Variants in PECAM1 observed in about 807,000 individuals in gnomAD.
PECAM1 encodes platelet and endothelial cell adhesion molecule 1, also known as platelet endothelial cell adhesion molecule.
In PECAM1, 8 loss-of-function variants were observed where a neutral mutation model predicts 13.8. That is an observed-to-expected ratio of 0.58 (90% CI 0.34 to 1.05). The LOEUF (loss-of-function observed/expected upper bound fraction) is 1.05. PECAM1 is among the 50% of genes least tolerant of loss of function. The pLI, the probability that PECAM1 is intolerant of heterozygous loss-of-function variation, is 0.03. For missense variants in PECAM1, 304 were observed against 141.2 expected, an observed-to-expected ratio of 2.15 and a Z score of -5.84; for synonymous variants, 136 against 52.6, an observed-to-expected ratio of 2.58 and a Z score of -6.86.
intron 2 of PECAM1, among the ~76,000 whole-genome samples, chr17:64,386,085 C>T (rs2036586918): frequency 6.6e-6 from 1 of 152,114 alleles, no homozygotes; most frequent in South Asian, 2.1e-4. Context: ...GAAGGATAGG[C>T]TGGGGATCTC....
chr17:64,357,538 T>C (rs1218972844), intron 7 of PECAM1, among the ~76,000 whole-genome samples: 3 of 152,296 alleles, frequency 2.0e-5, no homozygotes, highest in Middle Eastern at 3.4e-3. Context: ...CAGCAGATGG[T>C]ATTGTAACTT....
At chr17:64,376,696 C>A (rs73345144) in intron 3 of PECAM1, among the ~76,000 whole-genome samples, 4,466 of 152,176 alleles carry the variant, frequency 0.029, 89 homozygotes, top group Middle Eastern at 0.082. Flanking sequence ...ATTTGTGGAC[C>A]GGGCATGGTG....
At chr17:64,343,975 G>A (rs937975074) in intron 13 of PECAM1, among the ~76,000 whole-genome samples, 10 of 152,212 alleles carry the variant, frequency 6.6e-5, no homozygotes, top group Admixed American at 4.6e-4. Flanking sequence ...AAGAGGAAAG[G>A]TGATCGGGCC....
chr17:64,352,133 A>G (rs1256771517), intron 11 of PECAM1, among the ~76,000 whole-genome samples: 3 of 152,350 alleles, frequency 2.0e-5, no homozygotes, highest in East Asian at 3.9e-4. Flanking sequence ...AAGTCTTTGA[A>G]GGCATTATGA....
At chr17:64,372,159 AG>A (rs2036256978) in intron 4 of PECAM1, among the ~76,000 whole-genome samples, 1 of 152,176 alleles carries the variant, frequency 6.6e-6, no homozygotes, top group Non-Finnish European at 1.5e-5. Context: ...CTGCAATCCT[AG>A]CACTTTGGGA....
In PECAM1 at chr17:64,377,828, C is replaced by T; in HGVS notation, c.381G>A (p.Val127=). 1 of 475,310 alleles carries T rather than the reference C, an allele frequency of 2.1e-6. No individual in the cohort carries two copies. The highest frequency in any genetic ancestry group is 3.9e-6 in the Non-Finnish European group (1 of 259,108). 29.4% of individuals were successfully genotyped at this position (475,310 alleles called of 1,614,324 possible). A position where few individuals can be genotyped will look rare whatever the true frequency, so the allele number is the denominator to read the frequency against. ...EKTTAEYQVL[V]EGVPSPRVTL... is the part of the protein sequence containing the mutation. ...TGCTCAGTTCCAAGGACTCACCTTC[C>T]ACCAACACCTGGTACTCTGCAGTGG... is the stretch of plus-strand genomic sequence containing the variant. Residue 127 remains valine, a synonymous_variant, in exon 3 of 16, where the codon GTG becomes GTA. Transcript: ENST00000563924.
At chr17:64,366,724 A>G (rs2036114128) in intron 5 of PECAM1, among the ~76,000 whole-genome samples, 1 of 150,892 alleles carries the variant, frequency 6.6e-6, no homozygotes, top group Admixed American at 6.6e-5. Flanking sequence ...TATAGCAAGG[A>G]CAAAAAACCA....
At chr17:64,347,114 A>T (rs2035587158) in intron 13 of PECAM1, among the ~76,000 whole-genome samples, 1 of 152,146 alleles carries the variant, frequency 6.6e-6, no homozygotes, top group Non-Finnish European at 1.5e-5. Flanking sequence ...TTCGCCTGTA[A>T]TCCCAGCACT....
At chr17:64,368,686 C>T (rs1280996674) in intron 5 of PECAM1, among the ~76,000 whole-genome samples, 2 of 151,574 alleles carry the variant, frequency 1.3e-5, no homozygotes, top group Non-Finnish European at 2.9e-5. Flanking sequence ...CCCATCTCTA[C>T]TAAAAATACA....
chr17:64,371,545 A>G (rs1598043827), intron 4 of PECAM1, among the ~76,000 whole-genome samples: 1 of 152,118 alleles, frequency 6.6e-6, no homozygotes, highest in Non-Finnish European at 1.5e-5. Flanking sequence ...AAAATAAAAT[A>G]AAGGGGTCAG....
At chr17:64,340,197 G>A (rs1460930652) in intron 14 of PECAM1, among the ~76,000 whole-genome samples, 1 of 152,080 alleles carries the variant, frequency 6.6e-6, no homozygotes, top group Non-Finnish European at 1.5e-5. Flanking sequence ...CTCAAATATT[G>A]GCAGCATCAG....
At chr17:64,384,402 T>C (rs1421963460) in intron 2 of PECAM1, among the ~76,000 whole-genome samples, 1 of 152,104 alleles carries the variant, frequency 6.6e-6, no homozygotes, top group African/African-American at 2.4e-5. Context: ...CCCCCCCCAA[T>C]GGTCCTTGCC....
At chr17:64,351,157 C>T (rs1440752172) in intron 11 of PECAM1, among the ~76,000 whole-genome samples, 4 of 152,252 alleles carry the variant, frequency 2.6e-5, no homozygotes, top group East Asian at 3.9e-4. Flanking sequence ...AGATTACAGG[C>T]GTGAGCCACC....
At chr17:64,340,682 G>C (rs1358699064) in intron 14 of PECAM1, among the ~76,000 whole-genome samples, 2 of 152,098 alleles carry the variant, frequency 1.3e-5, no homozygotes, top group Admixed American at 6.6e-5. Context: ...TCAGCTCTGG[G>C]GGAAGCCCTT....
chr17:64,363,086 A>C, intron 6 of PECAM1, 63 bp downstream of exon 6: 1 of 474,402 alleles, frequency 2.1e-6, no homozygotes, highest in East Asian at 3.1e-5. Context: ...CGGCAGCTGC[A>C]GATAAATTTC....
intron 10 of PECAM1, among the ~76,000 whole-genome samples, chr17:64,352,982 C>G (rs1404781947): frequency 6.6e-6 from 1 of 152,060 alleles, no homozygotes; most frequent in African/African-American, 2.4e-5. Context: ...AAATAAACAT[C>G]AGGACCAAAG....
Position 64,363,328 on chromosome 17 carries a change from G to T in PECAM1, c.1037C>A (p.Ser346Tyr). ...TGGAGGTGCTCCTGGGATGGAGCAGGACAGGTTCAGTCTTTCACCTTGGTC... is the reference window on the plus strand; with the variant it reads ...TGGAGGTGCTCCTGGGATGGAGCAGTACAGGTTCAGTCTTTCACCTTGGTC... ...HLDQGERLNL[S>Y]CSIPGAPPAN... The change falls in exon 6 of 16, where the codon TCC becomes TAC. Residue 346 changes from serine (S) to tyrosine (Y), a missense_variant. By Grantham distance (144) the Ser-to-Tyr change is moderately radical. Transcript: ENST00000563924. The T allele has an allele frequency of 2.1e-6, 1 of 475,368 alleles. No individual in the cohort carries two copies. Among genetic ancestry groups the T allele is most frequent in the Non-Finnish European group, 3.9e-6 (1 of 259,070 alleles). 29.4% of individuals were successfully genotyped at this position (475,368 alleles called of 1,614,324 possible).
At chr17:64,382,281 C>T (rs2036498307) in intron 2 of PECAM1, among the ~76,000 whole-genome samples, 1 of 152,076 alleles carries the variant, frequency 6.6e-6, no homozygotes, top group Non-Finnish European at 1.5e-5. Context: ...CCAGGAGATA[C>T]TAAAGAGCAG....
At chr17:64,354,719 A>T (rs1044842910) in intron 9 of PECAM1, among the ~76,000 whole-genome samples, 2 of 152,332 alleles carry the variant, frequency 1.3e-5, no homozygotes, top group Non-Finnish European at 2.9e-5. Flanking sequence ...GCATTACAGG[A>T]CTAGGTGTGG....
Sources: allele counts gnomAD v4.1 joint callset (sites outside exome capture counted in the v4.1 genomes callset), GRCh38; gene constraint gnomAD v4.1.1; transcripts MANE v1.5; gene names NCBI Gene and HGNC (gene_info 2026-07-23, HGNC 2026-07-21).